The following UNC13C variants were observed in gnomAD, a reference collection of about 807,000 sequenced individuals.
UNC13C encodes protein unc-13 homolog C.
Under a neutral mutation model 245.4 loss-of-function variants are expected in UNC13C, and 174 were observed. That is an observed-to-expected ratio of 0.71 (90% confidence interval 0.63 to 0.80). The LOEUF is 0.80. UNC13C is among the 30% of genes least tolerant of loss of function. The pLI is 0.00. For synonymous variants in UNC13C, 992 were observed against 895.1 expected (o/e 1.11, Z -1.93); for missense variants, 2,829 against 2,602.9 (o/e 1.09, Z -1.89).
At chr15:54,179,891 C>G (rs1047514525) in intron 4 of UNC13C, among the ~76,000 whole-genome samples, 3 of 151,856 alleles carry the variant, frequency 2.0e-5, no homozygotes, top group African/African-American at 7.2e-5. Context: ...TATTTAAAAG[C>G]AATGGTATGT....
chr15:54,473,775 T>C (rs1165588110), intron 19 of UNC13C, among the ~76,000 whole-genome samples: 1 of 151,894 alleles, frequency 6.6e-6, no homozygotes, highest in Non-Finnish European at 1.5e-5. Flanking sequence ...GGGATACAAG[T>C]GCATTTTGTT....
intron 2 of UNC13C, among the ~76,000 whole-genome samples, chr15:54,027,350 G>T (rs1453961784): frequency 6.6e-6 from 1 of 152,040 alleles, no homozygotes; most frequent in Non-Finnish European, 1.5e-5. Context: ...TGTCAAACAA[G>T]ATATCCTGTT....
At chr15:54,061,544 A>G (rs1329632513) in intron 2 of UNC13C, among the ~76,000 whole-genome samples, 1 of 152,164 alleles carries the variant, frequency 6.6e-6, no homozygotes, top group African/African-American at 2.4e-5. Context: ...TACAGCCCCT[A>G]TGTCCAAATC....
chr15:54,482,595 C>A (rs62022363), intron 19 of UNC13C, among the ~76,000 whole-genome samples: 62,364 of 151,492 alleles, frequency 0.41, 13,063 homozygotes, highest in East Asian at 0.62. Flanking sequence ...CTCAGAAGTT[C>A]TCTGTCTCTT....
Position 54,176,688 on chromosome 15 carries a change from G to A in UNC13C, c.3071+33004G>A, listed in dbSNP as rs1184721420. ...ATACTTTTTATGAAAGTCTGACATT[G>A]AAGAATAAATTTAATAATATCAAAT... On this transcript the variant is annotated intron_variant, in intron 4 of 32. Transcript: ENST00000260323. 2.6e-5 allele frequency among the ~76,000 whole-genome samples: 4 copies of A among 152,016 alleles called. No homozygotes were observed. In the East Asian group the frequency reaches 5.8e-4, roughly 22 times the overall value.
chr15:54,570,868 G>A (rs1485848762), intron 30 of UNC13C, among the ~76,000 whole-genome samples: 1 of 152,114 alleles, frequency 6.6e-6, no homozygotes, highest in African/African-American at 2.4e-5. Flanking sequence ...TGGCGCCAAA[G>A]GAAACTCAGC....
At position 54,319,293 on chromosome 15, in the gene UNC13C, GA is replaced by G. The variant is rs755621890; in HGVS notation, c.4269-2632del. On this transcript the variant is annotated intron_variant, in intron 13 of 32. Coordinates refer to ENST00000260323, the MANE Select transcript of UNC13C (RefSeq NM_001080534.3). ...CAAATGTAATTACTTGTGAATTGTT[GA>G]AAAAAAAAAAAAAGAAATGTGATAG... Among the ~76,000 whole-genome samples the G allele has an allele frequency of 5.9e-3, 651 of 109,822 alleles. 2 individuals carry two copies. Among genetic ancestry groups the G allele is most frequent in the South Asian group, 0.015 (51 of 3,426 alleles). The allele number at this position is 109,822 out of a possible 152,430, so 72.0% of individuals were successfully genotyped here. A position where few individuals can be genotyped will look rare whatever the true frequency, so the allele number is the denominator to read the frequency against.
At chr15:54,545,305 G>A (rs758798241) in intron 26 of UNC13C, among the ~76,000 whole-genome samples, 40 of 152,250 alleles carry the variant, frequency 2.6e-4, no homozygotes, top group South Asian at 1.0e-3. Context: ...ACTCAAGGTG[G>A]ACTAAAGACT....
intron 30 of UNC13C, among the ~76,000 whole-genome samples, chr15:54,582,761 A>G (rs545856342): frequency 1.3e-5 from 2 of 152,188 alleles, no homozygotes; most frequent in Admixed American, 6.5e-5. Flanking sequence ...GACGACCACC[A>G]CTACTGTTAG....
At chr15:54,170,540 CATT>C (rs1239353355) in intron 4 of UNC13C, among the ~76,000 whole-genome samples, 4 of 152,056 alleles carry the variant, frequency 2.6e-5, no homozygotes, top group Non-Finnish European at 4.4e-5. Flanking sequence ...AAATTAAAAA[CATT>C]AGTAAGTGTT....
At chr15:53,903,669 G>A in the UNC13C span, among the ~76,000 whole-genome samples, 2 of 152,164 alleles carry the variant, frequency 1.3e-5, no homozygotes, top group Non-Finnish European at 2.9e-5. Flanking sequence ...CTCTGACAAT[G>A]TTCTGAAGCC....
At chr15:54,109,800 A>G (rs1331115804) in intron 2 of UNC13C, among the ~76,000 whole-genome samples, 1 of 152,064 alleles carries the variant, frequency 6.6e-6, no homozygotes, top group Non-Finnish European at 1.5e-5. Context: ...GTAGGGATGG[A>G]GATATTATAG....
intron 19 of UNC13C, among the ~76,000 whole-genome samples, chr15:54,439,954 T>A (rs1890427731): frequency 1.3e-5 from 2 of 151,960 alleles, no homozygotes; most frequent in South Asian, 4.1e-4. Flanking sequence ...ACCCATACAC[T>A]CTTCTCAGTT....
intron 17 of UNC13C, among the ~76,000 whole-genome samples, chr15:54,349,450 T>C (rs190730085): frequency 0.01 from 1,588 of 152,094 alleles, 20 homozygotes; most frequent in Non-Finnish European, 0.014. Context: ...TTAGTAAAAC[T>C]AGTGAAATTT....
chr15:54,285,126 A>G (rs2037108629), intron 10 of UNC13C, among the ~76,000 whole-genome samples: 1 of 152,296 alleles, frequency 6.6e-6, no homozygotes, highest in South Asian at 2.1e-4. Context: ...TCCAAAAGTC[A>G]TGCTAATAAT....
intron 2 of UNC13C, among the ~76,000 whole-genome samples, chr15:54,099,423 T>C (rs903533303): frequency 6.6e-6 from 1 of 152,172 alleles, no homozygotes; most frequent in African/African-American, 2.4e-5. Context: ...TAGCTGGCCA[T>C]GCATCTCAAG....
At chr15:53,923,241 C>A in the UNC13C span, among the ~76,000 whole-genome samples, 5 of 152,164 alleles carry the variant, frequency 3.3e-5, no homozygotes, top group Non-Finnish European at 7.3e-5. Context: ...TACCACTCAC[C>A]AAAAGGTAAT....
intron 19 of UNC13C, among the ~76,000 whole-genome samples, chr15:54,456,839 C>G (rs892154055): frequency 2.6e-5 from 4 of 152,038 alleles, no homozygotes; most frequent in African/African-American, 9.7e-5. Flanking sequence ...GACAGTTTGA[C>G]TTCCTCTTTA....
At chr15:54,116,214 A>G (rs1300418398) in intron 2 of UNC13C, among the ~76,000 whole-genome samples, 2 of 152,156 alleles carry the variant, frequency 1.3e-5, no homozygotes, top group Non-Finnish European at 2.9e-5. Flanking sequence ...ATGTGTATAT[A>G]TCAAACCAGT....
Sources: allele counts gnomAD v4.1 joint callset (sites outside exome capture counted in the v4.1 genomes callset), GRCh38; gene constraint gnomAD v4.1.1; transcripts MANE v1.5; gene names NCBI Gene and HGNC (gene_info 2026-07-23, HGNC 2026-07-21).